Variants in ZFHX3 observed in about 807,000 individuals in gnomAD.
ZFHX3 encodes the protein zinc finger homeobox protein 3.
ZFHX3 carries 42 observed loss-of-function variants against 279.1 expected under a neutral mutation model. The observed-to-expected ratio is 0.15, with a 90% confidence interval of 0.12 to 0.19. The LOEUF is 0.19. ZFHX3 is among the 10% of genes least tolerant of loss of function. The pLI is 1.00. For missense variants in ZFHX3, 4,981 were observed against 4,754.0 expected (o/e 1.05, Z -1.40); for synonymous variants, 2,293 against 1,957.8 (o/e 1.17, Z -4.52).
chr16:72,796,732 C>T lies in ZFHX3; in HGVS notation c.5950G>A (p.Glu1984Lys), dbSNP rs753599043. ...AACAACTTGCCGCAGGAGTCACACT[C>T]GAGCTTTTCCAGGTTCTCTCCCTGG... is the stretch of plus-strand genomic sequence containing the variant. Reference protein sequence around the residue: ...TDQGENLEKLECDSCGKLFSN... With the variant: ...TDQGENLEKLKCDSCGKLFSN... Residue 1984 changes from glutamate to lysine, a missense_variant, in exon 9 of 10, where the codon GAG becomes AAG. Glu to Lys is a moderately conservative substitution (Grantham distance 56, BLOSUM62 1). This residue lies in a region of ZFHX3 where 1,751 missense variants were observed against 1,770.0 expected (regional missense o/e 0.99). Transcript: ENST00000268489. The T allele has an allele frequency of 6.2e-6, 10 of 1,613,714 alleles. No individual in the cohort carries two copies. Among genetic ancestry groups the T allele is most frequent in the Admixed American group, 5.0e-5 (3 of 59,972 alleles).
intron 3 of ZFHX3, among the ~76,000 whole-genome samples, chr16:73,328,988 A>G (rs923007670): frequency 6.6e-6 from 1 of 152,224 alleles, no homozygotes; most frequent in African/African-American, 2.4e-5. Flanking sequence ...GCAAAGCTAC[A>G]TGAACTCATT....
chr16:73,130,950 A>T, intron 7 of ZFHX3: 1 of 1,304,216 alleles, frequency 7.7e-7, no homozygotes, highest in Non-Finnish European at 1.0e-6. Flanking sequence ...GGGGCACTAT[A>T]AGACATTTGT....
chr16:72,799,365 G>A (rs1370421848), intron 8 of ZFHX3, among the ~76,000 whole-genome samples: 1 of 151,798 alleles, frequency 6.6e-6, no homozygotes, highest in African/African-American at 2.4e-5. Context: ...CATAAATACC[G>A]AGACCCTTTA....
chr16:73,089,411 T>C (rs760044937), intron 8 of ZFHX3, among the ~76,000 whole-genome samples: 66 of 152,308 alleles, frequency 4.3e-4, no homozygotes, highest in Middle Eastern at 3.4e-3. Context: ...TCTAATGTTA[T>C]ACCTTTAGAT....
intron 2 of ZFHX3, among the ~76,000 whole-genome samples, chr16:72,952,216 G>A (rs1411905990): frequency 6.6e-6 from 1 of 152,196 alleles, no homozygotes; most frequent in Non-Finnish European, 1.5e-5. Flanking sequence ...CTCAGCCCTG[G>A]TGACAGAGCA....
At chr16:73,466,440 C>A (rs1027270445) in intron 2 of ZFHX3, among the ~76,000 whole-genome samples, 16 of 152,226 alleles carry the variant, frequency 1.1e-4, no homozygotes, top group African/African-American at 3.9e-4. Flanking sequence ...TGTGATTGCA[C>A]CACTGCGCTC....
intron 3 of ZFHX3, among the ~76,000 whole-genome samples, chr16:73,340,665 C>G (rs113311765): frequency 2.0e-5 from 3 of 152,154 alleles, no homozygotes; most frequent in African/African-American, 7.2e-5. Context: ...CGTGAGCCAC[C>G]GTGCCTGGCT....
In ZFHX3 at chr16:72,785,005, A is replaced by C. The variant is rs996194981; in HGVS notation, c.*2159T>G. 6.6e-6 allele frequency: 1 copy of C among 152,652 alleles called. No individual in the cohort carries two copies. Among genetic ancestry groups the C allele is most frequent in the African/African-American group, 2.4e-5 (1 of 41,480 alleles). 9.5% of individuals were successfully genotyped at this position (152,652 alleles called of 1,614,324 possible). On this transcript the variant is annotated 3_prime_UTR_variant, in exon 10 of 10. Transcript: ENST00000268489. The stretch of plus-strand genomic sequence containing the variant: ...TGAGTGGCTTCAGCACTGGGGAAAG[A>C]AGCCCGAAAGGTGACCAATGGAACC...
intron 1 of ZFHX3, among the ~76,000 whole-genome samples, chr16:73,001,668 A>G (rs188846249): frequency 1.3e-4 from 20 of 151,918 alleles, no homozygotes; most frequent in African/African-American, 4.8e-4. Flanking sequence ...TTTTAAAAAA[A>G]GGTTAGCCAA....
intron 1 of ZFHX3, among the ~76,000 whole-genome samples, chr16:72,982,205 C>T (rs1962635334): frequency 2.0e-5 from 3 of 152,112 alleles, no homozygotes; most frequent in Non-Finnish European, 4.4e-5. Flanking sequence ...TTCAAACACT[C>T]TCATTTGACC....
chr16:73,466,176 G>A (rs2018567324), intron 2 of ZFHX3, among the ~76,000 whole-genome samples: 1 of 84,872 alleles, frequency 1.2e-5, no homozygotes. Context: ...CTTTTCAATC[G>A]CATGAAAAAA....
At chr16:73,843,376 C>G (rs536120374) in intron 1 of ZFHX3, among the ~76,000 whole-genome samples, 1 of 152,126 alleles carries the variant, frequency 6.6e-6, no homozygotes, top group Admixed American at 6.5e-5. Context: ...TTTTGAACGT[C>G]GATAAAAGAA....
At chr16:73,254,947 C>A (rs1275171289) in intron 5 of ZFHX3, among the ~76,000 whole-genome samples, 1 of 152,142 alleles carries the variant, frequency 6.6e-6, no homozygotes, top group South Asian at 2.1e-4. Flanking sequence ...ATCCATCCAT[C>A]CACCCATCCA....
chr16:73,455,027 T>G (rs2018348502), intron 3 of ZFHX3, among the ~76,000 whole-genome samples: 1 of 152,194 alleles, frequency 6.6e-6, no homozygotes, highest in South Asian at 2.1e-4. Context: ...TCACACGATT[T>G]ACAAATGGAA....
intron 3 of ZFHX3, among the ~76,000 whole-genome samples, chr16:73,447,869 G>A (rs2143551595): frequency 6.6e-6 from 1 of 152,244 alleles, no homozygotes; most frequent in Admixed American, 6.5e-5. Context: ...TCAGACTAAA[G>A]CTTTGCTGAA....
intron 5 of ZFHX3, among the ~76,000 whole-genome samples, chr16:73,237,940 C>T (rs1330291988): frequency 2.6e-5 from 4 of 152,054 alleles, no homozygotes; most frequent in South Asian, 2.1e-4. Flanking sequence ...TTCTTCACTC[C>T]GCTTTGCATC....
chr16:73,659,070 T>A (rs888894588), intron 2 of ZFHX3, among the ~76,000 whole-genome samples: 2 of 151,900 alleles, frequency 1.3e-5, no homozygotes, highest in Non-Finnish European at 2.9e-5. Context: ...GGAAAAACAA[T>A]AGAAAGGAGA....
chr16:73,047,127 T>C (rs941693821), intron 1 of ZFHX3, among the ~76,000 whole-genome samples: 2 of 152,222 alleles, frequency 1.3e-5, no homozygotes, highest in Non-Finnish European at 2.9e-5. Context: ...TGCTTCTTTT[T>C]GTTGTTATTG....
At chr16:73,425,569 A>G (rs12444755) in intron 3 of ZFHX3, among the ~76,000 whole-genome samples, 22,993 of 152,186 alleles carry the variant, frequency 0.15, 2,364 homozygotes, top group Middle Eastern at 0.28. Flanking sequence ...AGGTGTTTAT[A>G]GCCAGGAGTT....
Sources: allele counts gnomAD v4.1 joint callset (sites outside exome capture counted in the v4.1 genomes callset), GRCh38; gene constraint gnomAD v4.1.1; regional missense constraint gnomAD v4.1.1; transcripts MANE v1.5; gene names NCBI Gene and HGNC (gene_info 2026-07-23, HGNC 2026-07-21).